GPR176: variants seen among roughly 807,000 people sequenced by gnomAD.
GPR176 encodes G protein-coupled receptor 176.
GPR176 carries 26 observed loss-of-function variants against 35.4 expected under a neutral mutation model. That is an observed-to-expected ratio of 0.74 (90% CI 0.54 to 1.02). The LOEUF is 1.02. GPR176 is among the 50% of genes least tolerant of loss of function. The pLI is 0.00. For synonymous variants in GPR176, 278 were observed against 271.3 expected (o/e 1.02, Z -0.24); for missense variants, 597 against 665.3 (o/e 0.90, Z 1.13).
Position 39,839,390 on chromosome 15 carries a change from T to C in GPR176, c.173-32132A>G, listed in dbSNP as rs143530182. On this transcript the variant is annotated intron_variant, in intron 1 of 2. Transcript: ENST00000561100. ...CAAGAAATGGGGAAAGGATTCCCTATTTAATAAATGGTGCTGTGAAAATTG... is the reference window on the plus strand; with the variant it reads ...CAAGAAATGGGGAAAGGATTCCCTACTTAATAAATGGTGCTGTGAAAATTG... Among the ~76,000 whole-genome samples the C allele has an allele frequency of 1.6e-3, 239 of 152,322 alleles. 2 individuals carry two copies. The highest frequency in any genetic ancestry group is 5.5e-3 in the African/African-American group (227 of 41,572).
chr15:39,894,553 G>A (rs1296242760), intron 1 of GPR176: 7 of 184,096 alleles, frequency 3.8e-5, no homozygotes, highest in South Asian at 9.6e-5. Flanking sequence ...GGTCGCGGCC[G>A]GGCAGAGGTG....
intron 1 of GPR176, among the ~76,000 whole-genome samples, chr15:39,846,742 C>A (rs2030457731): frequency 6.6e-6 from 1 of 151,924 alleles, no homozygotes; most frequent in Non-Finnish European, 1.5e-5. Context: ...TGAAAATATT[C>A]TTCAGGAATG....
chr15:39,920,022 C>A lies in GPR176; in HGVS notation c.5G>T (p.Gly2Val). MGHNGSWISPNA... is the reference protein window; with the variant it reads MVHNGSWISPNA... ...TGGAGAGATCCAGCTCCCGTTATGT[C>A]CCATGGCGAGGCTGGGACTCCGGCT... The change falls in exon 1 of 3, where the codon GGA becomes GTA. Residue 2 changes from glycine to valine, a missense_variant. Gly to Val is a moderately radical substitution (Grantham distance 109, BLOSUM62 -3). Transcript: ENST00000561100. The A allele has an allele frequency of 2.2e-6, 3 of 1,351,010 alleles. No individual in the cohort carries two copies. The highest frequency in any genetic ancestry group is 2.9e-6 in the Non-Finnish European group (3 of 1,045,616). The allele number at this position is 1,351,010 out of a possible 1,614,324, so 83.7% of individuals were successfully genotyped here.
intron 1 of GPR176, among the ~76,000 whole-genome samples, chr15:39,823,569 C>A (rs1202277223): frequency 6.6e-6 from 1 of 152,188 alleles, no homozygotes; most frequent in Non-Finnish European, 1.5e-5. Context: ...TCCACTGCTG[C>A]AGCTCCTCGC....
chr15:39,904,836 C>T (rs2033376425), intron 1 of GPR176, among the ~76,000 whole-genome samples: 1 of 152,178 alleles, frequency 6.6e-6, no homozygotes, highest in African/African-American at 2.4e-5. Flanking sequence ...CAGTCACCTG[C>T]ACAGGTAAAC....
intron 1 of GPR176, among the ~76,000 whole-genome samples, chr15:39,864,016 A>G (rs2031722037): frequency 6.6e-6 from 1 of 152,192 alleles, no homozygotes; most frequent in African/African-American, 2.4e-5. Flanking sequence ...TAGTTCAAAT[A>G]TTCTTTCCCT....
At chr15:39,909,855 G>T in intron 1 of GPR176, 1 of 938,594 alleles carries the variant, frequency 1.1e-6, no homozygotes, top group Non-Finnish European at 1.3e-6. Context: ...GTAATCTTGA[G>T]GTTTTCTTTT....
chr15:39,838,130 T>A (rs757386747), intron 1 of GPR176, among the ~76,000 whole-genome samples: 1 of 152,218 alleles, frequency 6.6e-6, no homozygotes, highest in Non-Finnish European at 1.5e-5. Flanking sequence ...ATTCTGAATA[T>A]TTTTATATAT....
intron 1 of GPR176, among the ~76,000 whole-genome samples, chr15:39,820,266 G>C (rs1566940026): frequency 6.6e-6 from 1 of 150,500 alleles, no homozygotes; most frequent in Non-Finnish European, 1.5e-5. Context: ...GAGATAGCTG[G>C]CCAAGACAGG....
At chr15:39,911,837 A>C (rs937065393) in intron 1 of GPR176, among the ~76,000 whole-genome samples, 2 of 152,232 alleles carry the variant, frequency 1.3e-5, no homozygotes, top group Non-Finnish European at 2.9e-5. Flanking sequence ...AGATCCATCC[A>C]ACCCATTTCT....
intron 1 of GPR176, among the ~76,000 whole-genome samples, chr15:39,877,927 C>A (rs2032313977): frequency 6.6e-6 from 1 of 152,146 alleles, no homozygotes; most frequent in Admixed American, 6.6e-5. Flanking sequence ...AACAATGACA[C>A]AGCCGCATTT....
intron 1 of GPR176, among the ~76,000 whole-genome samples, chr15:39,912,629 A>C (rs2033611142): frequency 6.6e-6 from 1 of 151,964 alleles, no homozygotes; most frequent in Admixed American, 6.6e-5. Context: ...AAAAAAAAAA[A>C]AAACGAAAAG....
Position 39,807,270 on chromosome 15 carries a change from T to C in GPR176, c.173-12A>G, listed in dbSNP as rs1595433886. 1.4e-6 allele frequency: 2 copies of C among 1,437,444 alleles called. No homozygotes were observed. Among genetic ancestry groups the C allele is most frequent in the Non-Finnish European group, 1.8e-6 (2 of 1,082,320 alleles). The allele number at this position is 1,437,444 out of a possible 1,614,324, so 89.0% of individuals were successfully genotyped here. On this transcript the variant is annotated splice_polypyrimidine_tract_variant and intron_variant, in intron 1 of 2. Transcript: ENST00000561100. ...CACCATGAAGTTTCCTGGTCAGATA[T>C]GAAAGAAAATAAAATAATTTAAATA...
At chr15:39,873,310 T>G (rs1447748164) in intron 1 of GPR176, among the ~76,000 whole-genome samples, 1 of 152,132 alleles carries the variant, frequency 6.6e-6, no homozygotes, top group Non-Finnish European at 1.5e-5. Flanking sequence ...AAAGCCCAAA[T>G]TTTTACTACA....
At chr15:39,802,571 T>C (rs1368301582) in intron 2 of GPR176, among the ~76,000 whole-genome samples, 1 of 152,196 alleles carries the variant, frequency 6.6e-6, no homozygotes, top group South Asian at 2.1e-4. Context: ...CAGGATGAAA[T>C]CGCAAACAGT....
intron 1 of GPR176, among the ~76,000 whole-genome samples, chr15:39,808,264 C>T (rs1899324612): frequency 6.6e-6 from 1 of 152,166 alleles, no homozygotes; most frequent in Admixed American, 6.5e-5. Flanking sequence ...CCCTCTCAAT[C>T]CCCACCATGT....
Position 39,888,496 on chromosome 15 carries a change from A to G in GPR176, c.172+31359T>C, listed in dbSNP as rs140016510. ...CAAGCTGTAGTGCCATGCTGTGATC[A>G]TAACTCACCATAACCTCAAACTCCT... On this transcript the variant is annotated intron_variant, in intron 1 of 2. Coordinates refer to ENST00000561100, the MANE Select transcript of GPR176 (RefSeq NM_007223.3). 3.9e-4 allele frequency among the ~76,000 whole-genome samples: 60 copies of G among 152,264 alleles called. No individual in the cohort carries two copies. In the East Asian group the frequency reaches 8.7e-3, roughly 22 times the overall value.
intron 1 of GPR176, among the ~76,000 whole-genome samples, chr15:39,831,083 G>A (rs181879281): frequency 4.6e-5 from 7 of 152,262 alleles, no homozygotes; most frequent in Admixed American, 4.6e-4. Flanking sequence ...AGGTTGGAAC[G>A]GGGGAACCTT....
chr15:39,818,138 C>T (rs1299716377), intron 1 of GPR176, among the ~76,000 whole-genome samples: 1 of 152,196 alleles, frequency 6.6e-6, no homozygotes. Flanking sequence ...ATTTGCTCTT[C>T]CTGCCAGTCT....
Sources: gnomAD v4.1 joint callset for allele counts (sites outside exome capture counted in the v4.1 genomes callset) on GRCh38, gnomAD v4.1.1 for gene constraint, MANE v1.5 for transcripts, NCBI Gene and HGNC (gene_info 2026-07-23, HGNC 2026-07-21) for gene names.